PHKB: variants seen among roughly 807,000 people sequenced by gnomAD.
PHKB encodes phosphorylase kinase regulatory subunit beta, also known as phosphorylase b kinase regulatory subunit beta.
In PHKB, 122 loss-of-function variants were observed where a neutral mutation model predicts 152.1. That is an observed-to-expected ratio of 0.80 (90% CI 0.69 to 0.93). PHKB has a LOEUF of 0.93. Among genes scored for constraint, PHKB ranks in the 40% least tolerant of loss-of-function variants. The pLI, the probability that PHKB is intolerant of heterozygous loss-of-function variation, is 0.00. For missense variants in PHKB, 1,304 were observed against 1,328.4 expected, an observed-to-expected ratio of 0.98 and a Z score of 0.29; for synonymous variants, 436 against 464.9, an observed-to-expected ratio of 0.94 and a Z score of 0.80.
chr16:47,650,248 A>C (rs1973210786), intron 18 of PHKB, among the ~76,000 whole-genome samples: 1 of 152,198 alleles, frequency 6.6e-6, no homozygotes, highest in Non-Finnish European at 1.5e-5. Context: ...ATAAACAAAT[A>C]AATAGATTAA....
At chr16:47,540,000 C>CAA (rs35414831) in intron 6 of PHKB, among the ~76,000 whole-genome samples, 1 of 151,672 alleles carries the variant, frequency 6.6e-6, no homozygotes, top group Admixed American at 6.6e-5. Context: ...CAGGGTCGGG[C>CAA]AAAAAAAGCC....
intron 7 of PHKB, chr16:47,548,141 T>G (rs1011235000): frequency 4.6e-5 from 7 of 153,812 alleles, no homozygotes; most frequent in African/African-American, 1.7e-4. Context: ...GGAAGTAGCT[T>G]TAGTGACTGA....
chr16:47,514,223 G>C (rs576723095), intron 5 of PHKB, among the ~76,000 whole-genome samples: 14 of 152,164 alleles, frequency 9.2e-5, no homozygotes, highest in Non-Finnish European at 1.9e-4. Context: ...GACAGAGGGA[G>C]GGAGGGAGGG....
At position 47,677,615 on chromosome 16, in the gene PHKB, C is replaced by G. The variant is rs566866623; in HGVS notation, c.2630+8198C>G. The stretch of plus-strand genomic sequence containing the variant: ...GGTTACTAATCCCAGCATAAGGGCC[C>G]CAACCTCATGACCTCATCTAAACCT... On this transcript the variant is annotated intron_variant, in intron 26 of 30. Transcript: ENST00000323584. 8.3e-4 allele frequency among the ~76,000 whole-genome samples: 127 copies of G among 152,164 alleles called. 1 individual carries two copies. Among genetic ancestry groups the G allele is most frequent in the African/African-American group, 2.9e-3 (121 of 41,516 alleles).
chr16:47,641,140 G>GGGGAA (rs901459312), intron 15 of PHKB, 50 bp downstream of exon 15: 1 of 1,359,376 alleles, frequency 7.4e-7, no homozygotes, highest in African/African-American at 1.4e-5. Flanking sequence ...GGGGAGGGGA[G>GGGGAA]GGGAAATGAT....
At chr16:47,678,456 G>A (rs1256796275) in intron 26 of PHKB, among the ~76,000 whole-genome samples, 11 of 151,610 alleles carry the variant, frequency 7.3e-5, no homozygotes, top group Admixed American at 1.3e-4. Flanking sequence ...TTTAATGATC[G>A]CCATTCTAAC....
At chr16:47,492,286 C>T (rs1292958020) in intron 1 of PHKB, among the ~76,000 whole-genome samples, 1 of 152,168 alleles carries the variant, frequency 6.6e-6, no homozygotes, top group African/African-American at 2.4e-5. Flanking sequence ...CAGATTAAGA[C>T]CAGCCTCACA....
At chr16:47,541,064 G>A (rs1312047032) in intron 6 of PHKB, among the ~76,000 whole-genome samples, 2 of 151,932 alleles carry the variant, frequency 1.3e-5, no homozygotes, top group East Asian at 3.9e-4. Context: ...TGTCACATGT[G>A]TATACATGTA....
intron 1 of PHKB, among the ~76,000 whole-genome samples, chr16:47,477,342 G>A (rs950803222): frequency 6.6e-6 from 1 of 152,134 alleles, no homozygotes; most frequent in African/African-American, 2.4e-5. Flanking sequence ...AAGGCTTGGT[G>A]CTGGGGACTC....
At chr16:47,523,939 T>C (rs914752141) in intron 6 of PHKB, among the ~76,000 whole-genome samples, 86 of 152,276 alleles carry the variant, frequency 5.6e-4, no homozygotes, top group African/African-American at 1.9e-3. Flanking sequence ...CTTCATGTTG[T>C]TGCTAGTCTG....
At chr16:47,521,110 A>C (rs1970677989) in intron 6 of PHKB, among the ~76,000 whole-genome samples, 3 of 152,164 alleles carry the variant, frequency 2.0e-5, no homozygotes, top group Admixed American at 2.0e-4. Flanking sequence ...TGTGTTCTGC[A>C]ATCTTGAACT....
At chr16:47,551,823 T>C (rs1971275736) in intron 7 of PHKB, among the ~76,000 whole-genome samples, 1 of 152,228 alleles carries the variant, frequency 6.6e-6, no homozygotes, top group Non-Finnish European at 1.5e-5. Context: ...TGTTAAAGTC[T>C]TCCACTATTA....
chr16:47,563,060 A>G (rs1176752404), intron 7 of PHKB, among the ~76,000 whole-genome samples: 1 of 151,914 alleles, frequency 6.6e-6, no homozygotes, highest in African/African-American at 2.4e-5. Context: ...TTTATGGTCC[A>G]CTTCTAATTC....
chr16:47,660,118 C>T (rs1003469367), intron 20 of PHKB, among the ~76,000 whole-genome samples: 1 of 152,128 alleles, frequency 6.6e-6, no homozygotes, highest in Non-Finnish European at 1.5e-5. Context: ...CGCCTTGACA[C>T]CCCAAAGTGC....
chr16:47,543,626 G>A (rs1971103749), intron 6 of PHKB, among the ~76,000 whole-genome samples: 1 of 152,116 alleles, frequency 6.6e-6, no homozygotes, highest in African/African-American at 2.4e-5. Flanking sequence ...AATCCATCTG[G>A]TCCTGGACTT....
intron 26 of PHKB, among the ~76,000 whole-genome samples, chr16:47,683,762 C>T (rs1973908884): frequency 2.0e-5 from 3 of 152,152 alleles, no homozygotes; most frequent in Non-Finnish European, 2.9e-5. Flanking sequence ...GTGCACTTCA[C>T]CCACTGTCCT....
chr16:47,687,108 C>T (rs8052294), intron 26 of PHKB, among the ~76,000 whole-genome samples: 17,892 of 152,076 alleles, frequency 0.12, 2,292 homozygotes, highest in African/African-American at 0.32. Flanking sequence ...GGCAGGTCTT[C>T]CGATGTTTAA....
Position 47,582,065 on chromosome 16 carries a change from C to T in PHKB, c.774+1707C>T, listed in dbSNP as rs1971857609. On this transcript the variant is annotated intron_variant, in intron 8 of 30. Transcript: ENST00000323584. ...ACTGAAAGCTTTCTAGAGCATATAT[C>T]AAGGAGACTGAGAGGAGGCATGGAT... Among the ~76,000 whole-genome samples the T allele has an allele frequency of 2.0e-5, 3 of 152,174 alleles. No individual in the cohort carries two copies. The South Asian group carries it at 6.2e-4, about 31-fold the overall frequency.
chr16:47,546,342 C>T (rs142681002), intron 6 of PHKB, among the ~76,000 whole-genome samples: 6 of 152,246 alleles, frequency 3.9e-5, no homozygotes, highest in African/African-American at 1.4e-4. Context: ...TCTAACAGGC[C>T]CCTCAGCTGC....
Sources: gnomAD v4.1 joint callset for allele counts (sites outside exome capture counted in the v4.1 genomes callset) on GRCh38, gnomAD v4.1.1 for gene constraint, MANE v1.5 for transcripts, NCBI Gene and HGNC (gene_info 2026-07-23, HGNC 2026-07-21) for gene names.